Variants in VRK1 observed in about 807,000 individuals in gnomAD.
VRK1 encodes serine/threonine-protein kinase VRK1.
Under a neutral mutation model 57.1 loss-of-function variants are expected in VRK1, and 33 were observed. That is an observed-to-expected ratio of 0.58 (90% CI 0.44 to 0.77). The LOEUF is 0.77. Among genes scored for constraint, VRK1 ranks in the 30% least tolerant of loss-of-function variants. The pLI is 0.00. For synonymous variants in VRK1, 137 were observed against 147.8 expected (o/e 0.93, Z 0.53); for missense variants, 413 against 477.3 (o/e 0.87, Z 1.25).
At chr14:96,877,426 CT>C in intron 12 of VRK1, 2 of 1,167,260 alleles carry the variant, frequency 1.7e-6, no homozygotes. Context: ...TAGTCCCTCT[CT>C]TTTTCCCGCT....
At chr14:96,817,259 G>A (rs1595647258) in intron 1 of VRK1, among the ~76,000 whole-genome samples, 1 of 151,836 alleles carries the variant, frequency 6.6e-6, no homozygotes, top group South Asian at 2.1e-4. Context: ...CCATTTTTCT[G>A]TTGGGCTTTA....
chr14:96,825,773 G>C (rs1886776951), intron 1 of VRK1, among the ~76,000 whole-genome samples: 1 of 152,174 alleles, frequency 6.6e-6, no homozygotes, highest in Non-Finnish European at 1.5e-5. Flanking sequence ...AGTTTGTCCA[G>C]AATTATCCTT....
chr14:96,878,655 TC>T (rs1313855051), intron 12 of VRK1, among the ~76,000 whole-genome samples: 1 of 152,186 alleles, frequency 6.6e-6, no homozygotes, highest in Non-Finnish European at 1.5e-5. Context: ...CTGAAAGCTT[TC>T]AAAATGTGTA....
intron 1 of VRK1, among the ~76,000 whole-genome samples, chr14:96,819,282 A>C (rs1443477807): frequency 6.6e-6 from 1 of 152,258 alleles, no homozygotes; most frequent in African/African-American, 2.4e-5. Context: ...TTTTTTACCC[A>C]ACTTCTAAAA....
chr14:96,828,438 T>G (rs1886882569), intron 1 of VRK1, among the ~76,000 whole-genome samples: 5 of 152,266 alleles, frequency 3.3e-5, no homozygotes, highest in Admixed American at 2.6e-4. Flanking sequence ...CTCCTTAGAT[T>G]GTGGTAAAGG....
At chr14:96,799,342 T>A (rs1249772558) in intron 1 of VRK1, among the ~76,000 whole-genome samples, 1 of 152,120 alleles carries the variant, frequency 6.6e-6, no homozygotes, top group Non-Finnish European at 1.5e-5. Context: ...TTTTTAACTT[T>A]GAGAACTAAT....
chr14:96,828,431 C>T (rs1342009639), intron 1 of VRK1, among the ~76,000 whole-genome samples: 3 of 152,130 alleles, frequency 2.0e-5, no homozygotes, highest in African/African-American at 7.2e-5. Flanking sequence ...GCTTAAACTC[C>T]TTAGATTGTG....
chr14:96,854,812 T>G (rs1278000547), intron 7 of VRK1, among the ~76,000 whole-genome samples: 1 of 152,186 alleles, frequency 6.6e-6, no homozygotes, highest in Non-Finnish European at 1.5e-5. Flanking sequence ...AGTCTTCTAC[T>G]GGGTGTGCTT....
intron 1 of VRK1, among the ~76,000 whole-genome samples, chr14:96,812,022 T>C (rs1458165290): frequency 6.6e-6 from 1 of 152,242 alleles, no homozygotes; most frequent in Non-Finnish European, 1.5e-5. Flanking sequence ...CTGGAAATTT[T>C]ACGTAATTGG....
chr14:96,863,551 G>C (rs965502310), intron 11 of VRK1, among the ~76,000 whole-genome samples: 1 of 152,070 alleles, frequency 6.6e-6, no homozygotes, highest in African/African-American at 2.4e-5. Flanking sequence ...CAACAAAAAG[G>C]GTTGTTGACT....
At chr14:96,839,824 T>G (rs1331066110) in intron 3 of VRK1, among the ~76,000 whole-genome samples, 1 of 152,222 alleles carries the variant, frequency 6.6e-6, no homozygotes, top group Admixed American at 6.5e-5. Flanking sequence ...TGCCTATTCA[T>G]TTTTTGAATG....
chr14:96,803,168 ATT>A (rs747521306), intron 1 of VRK1, among the ~76,000 whole-genome samples: 52 of 127,868 alleles, frequency 4.1e-4, no homozygotes, highest in Middle Eastern at 4.2e-3. Flanking sequence ...TGATGCTGGC[ATT>A]TTTTTTTTTT....
At chr14:96,810,485 G>T (rs1886127162) in intron 1 of VRK1, among the ~76,000 whole-genome samples, 1 of 152,132 alleles carries the variant, frequency 6.6e-6, no homozygotes, top group Non-Finnish European at 1.5e-5. Context: ...ATTTGTTTGT[G>T]TGTTATGAGG....
chr14:96,817,682 A>G (rs1886447619), intron 1 of VRK1, among the ~76,000 whole-genome samples: 1 of 152,222 alleles, frequency 6.6e-6, no homozygotes, highest in South Asian at 2.1e-4. Context: ...GTGAACATCC[A>G]GAGAATTAAT....
At chr14:96,856,485 T>C (rs1388307735) in intron 9 of VRK1, 43 bp from the exon 10 acceptor site, 2 of 1,525,230 alleles carry the variant, frequency 1.3e-6, no homozygotes, top group Non-Finnish European at 1.8e-6. Context: ...CATATTAACA[T>C]ATGACATCAA....
At chr14:96,848,912 T>C (rs895817890) in intron 5 of VRK1, among the ~76,000 whole-genome samples, 2 of 152,200 alleles carry the variant, frequency 1.3e-5, no homozygotes, top group Non-Finnish European at 2.9e-5. Flanking sequence ...TAGAAAATCA[T>C]TGAAGAGGCA....
chr14:96,810,331 A>G (rs1351483933), intron 1 of VRK1, among the ~76,000 whole-genome samples: 2 of 152,200 alleles, frequency 1.3e-5, no homozygotes, highest in African/African-American at 2.4e-5. Flanking sequence ...ATCAATTCCA[A>G]TGTATCCATC....
At chr14:96,851,613 T>G (rs1310684975) in intron 5 of VRK1, among the ~76,000 whole-genome samples, 1 of 152,250 alleles carries the variant, frequency 6.6e-6, no homozygotes, top group Non-Finnish European at 1.5e-5. Flanking sequence ...GTTAGTCAAC[T>G]CTTCCTTCCC....
rs149250994 is a variant in VRK1 at position 96,808,002 on chromosome 14, C to CCTCTCTCCCTCTCTCCGTCTCTCTCTCT, written c.-6+10562_-6+10563insCCTCTCTCCGTCTCTCTCTCTCTCTCTC. 5.4e-3 allele frequency among the ~76,000 whole-genome samples: 638 copies of CCTCTCTCCCTCTCTCCGTCTCTCTCTCT among 118,164 alleles called. 39 individuals are homozygous for CCTCTCTCCCTCTCTCCGTCTCTCTCTCT. The highest frequency in any genetic ancestry group is 0.021 in the African/African-American group (597 of 28,000). The allele number at this position is 118,164 out of a possible 152,430, so 77.5% of individuals were successfully genotyped here. A position where few individuals can be genotyped will look rare whatever the true frequency, so the allele number is the denominator to read the frequency against. On this transcript the variant is annotated intron_variant, in intron 1 of 12. Transcript: ENST00000216639. ...GTCTCTCTCCCTCTCTCCCTCTCTCCCTCTCTCTCTCCCTCTGTGTGTGTG... is the reference window on the plus strand; with the variant it reads ...GTCTCTCTCCCTCTCTCCCTCTCTCCCTCTCTCCCTCTCTCCGTCTCTCTCTCTCTCTCTCTCTCCCTCTGTGTGTGTG...
Sources: gnomAD v4.1 joint callset for allele counts (sites outside exome capture counted in the v4.1 genomes callset) on GRCh38, gnomAD v4.1.1 for gene constraint, MANE v1.5 for transcripts, NCBI Gene and HGNC (gene_info 2026-07-23, HGNC 2026-07-21) for gene names.